The following DMD variants were observed in gnomAD, a reference collection of about 807,000 sequenced individuals.
The protein encoded by DMD is dystrophin, also known as mutant dystrophin.
Under a neutral mutation model 330.1 loss-of-function variants are expected in DMD, and 63 were observed. The ratio of observed to expected loss-of-function variants is 0.19; its 90% CI spans 0.16 to 0.24. DMD has a LOEUF of 0.24. Among genes scored for constraint, DMD ranks in the 10% least tolerant of loss-of-function variants. The probability of loss-of-function intolerance (pLI) is 1.00; values close to 1 mark genes in which losing one functional copy is unlikely to be tolerated. For synonymous variants in DMD, 1,223 were observed against 959.8 expected (o/e 1.27, Z -5.07); for missense variants, 3,344 against 2,684.1 (o/e 1.25, Z -5.43).
At chrX:31,372,876 T>A (rs12846591) in intron 60 of DMD, among the ~76,000 whole-genome samples, 8,702 of 110,884 alleles carry the variant, frequency 0.078, 257 homozygotes, top group South Asian at 0.11. Context: ...AAAGAGGAAG[T>A]CAAATTGTCC....
rs1249831094 is a variant in DMD at position 33,190,941 on chromosome X, TA to T, written c.31+20340del. ...ATATATATAATATTATATATATATA[TA>T]ATATATAATATTATATATATATATA... On this transcript the variant is annotated intron_variant, in intron 1 of 78. Coordinates refer to ENST00000357033, the MANE Select transcript of DMD (RefSeq NM_004006.3). Among the ~76,000 whole-genome samples, 4 of 1,356 alleles carry T rather than the reference TA, an allele frequency of 2.9e-3. 1 individual carries two copies. The highest frequency in any genetic ancestry group is 4.6e-3 in the African/African-American group (2 of 433). 1.2% of individuals were successfully genotyped at this position (1,356 alleles called of 115,157 possible).
At chrX:31,821,739 A>G (rs1352429173) in intron 49 of DMD, among the ~76,000 whole-genome samples, 1 of 112,321 alleles carries the variant, frequency 8.9e-6, no homozygotes, top group East Asian at 2.8e-4. Flanking sequence ...AAGAGATAAT[A>G]GCTGCGTTTT....
At chrX:33,190,883 TATA>T (rs2050522552) in intron 1 of DMD, among the ~76,000 whole-genome samples, 5 of 1,455 alleles carry the variant, frequency 3.4e-3, no homozygotes, top group African/African-American at 9.4e-3. Flanking sequence ...ATATATAATA[TATA>T]ATATTATATA....
intron 7 of DMD, among the ~76,000 whole-genome samples, chrX:32,732,547 C>A (rs867665851): frequency 9.0e-6 from 1 of 111,405 alleles, no homozygotes; most frequent in East Asian, 2.8e-4. Context: ...AAGCCCATCA[C>A]ACTAACAGCG....
intron 17 of DMD, among the ~76,000 whole-genome samples, chrX:32,523,419 TTCTC>T (rs771648336): frequency 7.2e-4 from 81 of 112,072 alleles, no homozygotes; most frequent in Non-Finnish European, 9.6e-4. Context: ...TTGCCCACCT[TTCTC>T]TCTATTAGCT....
intron 44 of DMD, among the ~76,000 whole-genome samples, chrX:31,980,149 A>G (rs1015094304): frequency 4.5e-5 from 5 of 111,956 alleles, no homozygotes; most frequent in Non-Finnish European, 9.4e-5. Flanking sequence ...GTTTGACAAT[A>G]TCTCATAAAT....
chrX:32,736,464 C>G (rs757031198), intron 7 of DMD, among the ~76,000 whole-genome samples: 2 of 110,461 alleles, frequency 1.8e-5, no homozygotes, highest in Admixed American at 9.6e-5. Context: ...GACACATGCA[C>G]ACGTATGTTT....
chrX:32,627,579 C>T (rs912948735), intron 11 of DMD, among the ~76,000 whole-genome samples: 2 of 111,131 alleles, frequency 1.8e-5, no homozygotes, highest in Non-Finnish European at 3.8e-5. Flanking sequence ...TGGGTCAAAA[C>T]GCAAACAAGG....
chrX:32,977,301 C>CA (rs1020878921), intron 2 of DMD, among the ~76,000 whole-genome samples: 1 of 108,598 alleles, frequency 9.2e-6, no homozygotes, highest in Non-Finnish European at 1.9e-5. Context: ...CTCCATCTCA[C>CA]AAAAAAGAAA....
At chrX:32,722,634 T>C (rs1471293298) in intron 7 of DMD, among the ~76,000 whole-genome samples, 1 of 111,293 alleles carries the variant, frequency 9.0e-6, no homozygotes, top group Non-Finnish European at 1.9e-5. Context: ...TGTTCCTCAA[T>C]GTTTTATAGT....
intron 7 of DMD, among the ~76,000 whole-genome samples, chrX:32,769,171 T>C (rs1231806952): frequency 8.9e-6 from 1 of 112,654 alleles, no homozygotes; most frequent in African/African-American, 3.2e-5. Flanking sequence ...GATAAATACC[T>C]GCCGAGACTG....
intron 2 of DMD, among the ~76,000 whole-genome samples, chrX:32,941,559 G>A (rs962930244): frequency 6.3e-5 from 7 of 111,367 alleles, no homozygotes; most frequent in Non-Finnish European, 1.3e-4. Flanking sequence ...GCAACGGAAC[G>A]CCAAATACCA....
chrX:33,266,587 G>A (rs980477138), intron 1 of DMD, among the ~76,000 whole-genome samples: 6 of 36,030 alleles, frequency 1.7e-4, no homozygotes, highest in Admixed American at 4.1e-4. Context: ...AGAAAGTCTT[G>A]GATTTTTTCA....
intron 1 of DMD, among the ~76,000 whole-genome samples, chrX:33,276,284 G>A (rs1375682302): frequency 9.0e-6 from 1 of 111,261 alleles, no homozygotes; most frequent in African/African-American, 3.3e-5. Flanking sequence ...GGTGAAACAG[G>A]AAACACATGA....
At chrX:32,916,749 G>A (rs1178528712) in intron 2 of DMD, among the ~76,000 whole-genome samples, 1 of 111,512 alleles carries the variant, frequency 9.0e-6, no homozygotes, top group Non-Finnish European at 1.9e-5. Flanking sequence ...GTTTTTTACT[G>A]TTGTCATAAG....
intron 60 of DMD, among the ~76,000 whole-genome samples, chrX:31,372,297 T>C (rs1440263106): frequency 8.9e-6 from 1 of 111,798 alleles, no homozygotes; most frequent in Admixed American, 9.5e-5. Flanking sequence ...AGGCATAGAG[T>C]ACAAGTAGAA....
chrX:32,128,817 T>C (rs910904754), intron 44 of DMD, among the ~76,000 whole-genome samples: 15 of 112,301 alleles, frequency 1.3e-4, no homozygotes, highest in African/African-American at 3.9e-4. Context: ...TTATAACCTG[T>C]GTCGTTCCTC....
At chrX:32,177,088 G>A (rs1405540238) in intron 44 of DMD, among the ~76,000 whole-genome samples, 1 of 111,451 alleles carries the variant, frequency 9.0e-6, no homozygotes, top group Non-Finnish European at 1.9e-5. Flanking sequence ...ACTAACCCCC[G>A]TCAATTACGT....
chrX:32,713,169 AC>A (rs748951417), intron 7 of DMD, among the ~76,000 whole-genome samples: 393 of 112,081 alleles, frequency 3.5e-3, no homozygotes, highest in African/African-American at 0.012. Flanking sequence ...TCTTAACTGT[AC>A]TCACGCATTT....
Sources: gnomAD v4.1 joint callset for allele counts (sites outside exome capture counted in the v4.1 genomes callset) on GRCh38, gnomAD v4.1.1 for gene constraint, MANE v1.5 for transcripts, NCBI Gene and HGNC (gene_info 2026-07-23, HGNC 2026-07-21) for gene names.